CUX2: variants seen among roughly 807,000 people sequenced by gnomAD.
CUX2 encodes the protein cut like homeobox 2, also known as homeobox protein cut-like 2.
In CUX2, 40 loss-of-function variants were observed where a neutral mutation model predicts 144.8. The ratio of observed to expected loss-of-function variants is 0.28; its 90% CI spans 0.21 to 0.36. The LOEUF is 0.36. Among genes scored for constraint, CUX2 ranks in the 10% least tolerant of loss-of-function variants. The pLI, the probability that CUX2 is intolerant of heterozygous loss-of-function variation, is 1.00. For missense variants in CUX2, 1,615 were observed against 1,994.0 expected (o/e 0.81, Z 3.62); for synonymous variants, 827 against 875.6 (o/e 0.94, Z 0.98).
In CUX2 at chr12:111,320,106, GGCACGCCGT is replaced by G; in HGVS notation, c.2099_2107del (p.Ala700_Arg702del). On this transcript the variant is annotated inframe_deletion, in exon 17 of 22. Transcript: ENST00000261726. This position sits in a 1 kb window ranked among gnomAD's most constrained non-coding sequence, Gnocchi z 8.1. Reference sequence around the variant, plus strand: ...ACGCCATCAAGAGCATCCTGGAGCAGGCACGCCGTGAGATGCAGGCGCAACAGCAGGCGC... The same window carrying G: ...ACGCCATCAAGAGCATCCTGGAGCAGGAGATGCAGGCGCAACAGCAGGCGC... The G allele has an allele frequency of 6.4e-7, 1 of 1,558,140 alleles. No individual in the cohort carries two copies. The highest frequency in any genetic ancestry group is 8.7e-7 in the Non-Finnish European group (1 of 1,155,206).
chr12:111,227,183 A>G (rs1050519902), intron 3 of CUX2, among the ~76,000 whole-genome samples: 1 of 152,208 alleles, frequency 6.6e-6, no homozygotes, highest in Non-Finnish European at 1.5e-5. Flanking sequence ...GGTGGTGAAC[A>G]TTACTATTTA....
rs1292484001 is a variant in CUX2, at chr12:111,043,685, C to T, written c.63+9445C>T. Among the ~76,000 whole-genome samples the T allele has an allele frequency of 2.0e-5, 3 of 151,974 alleles. 1 individual carries two copies. Among genetic ancestry groups the T allele is most frequent in the Admixed American group, 1.3e-4 (2 of 15,286 alleles). ...AGAATTAGCCAGGCGCGGTGGCTCA[C>T]GCCTGTAATCCCAGCACTCCGGGAG... is the stretch of plus-strand genomic sequence containing the variant. On this transcript the variant is annotated intron_variant, in intron 1 of 21. Transcript: ENST00000261726.
Position 111,174,898 on chromosome 12 carries a change from A to G in CUX2, c.64-39302A>G, listed in dbSNP as rs1002627107. On this transcript the variant is annotated intron_variant, in intron 1 of 21. Transcript: ENST00000261726. ...AAGAAGTCAAAAATGGCCAAATAGCAGCAGTTTCCTGTGGTTCAACTGAAA... is the reference window on the plus strand; with the variant it reads ...AAGAAGTCAAAAATGGCCAAATAGCGGCAGTTTCCTGTGGTTCAACTGAAA... 3.9e-5 allele frequency among the ~76,000 whole-genome samples: 6 copies of G among 152,382 alleles called. No individual in the cohort carries two copies. In the South Asian group the frequency reaches 1.2e-3, roughly 32 times the overall value.
rs556059119 is a variant in CUX2, at chr12:111,320,547, C to T, written c.2538C>T (p.Pro846=). Residue 846 remains proline, a synonymous_variant, in exon 17 of 22, where the codon CCC becomes CCT. Coordinates refer to ENST00000261726, the MANE Select transcript of CUX2 (RefSeq NM_015267.4). The surrounding 1 kb of genome is among the most constrained non-coding windows in gnomAD (Gnocchi z 8.1). ...DEAAAGAEDE[P]PRTGELKAEG... ...CGGCGGCAGGGGCGGAGGACGAACC[C>T]CCCAGGACGGGCGAGCTCAAGGCTG... is the stretch of plus-strand genomic sequence containing the variant. The T allele has an allele frequency of 1.8e-4, 277 of 1,544,000 alleles. No homozygotes were observed. In the African/African-American group the frequency reaches 3.5e-3, roughly 20 times the overall value.
intron 18 of CUX2, among the ~76,000 whole-genome samples, chr12:111,330,576 G>A (rs1592976753): frequency 6.6e-6 from 1 of 150,694 alleles, no homozygotes; most frequent in Admixed American, 6.6e-5. Flanking sequence ...ACCCATGCCT[G>A]TAATCCCAAC....
chr12:111,295,510 T>C lies in CUX2; in HGVS notation c.637+101T>C, dbSNP rs535231813. On this transcript the variant is annotated intron_variant, in intron 7 of 21. Transcript: ENST00000261726. This position sits in a 1 kb window ranked among gnomAD's most constrained non-coding sequence, Gnocchi z 5.0. The stretch of plus-strand genomic sequence containing the variant: ...TGGGGTCTGCCACATCCAGGTGTTT[T>C]AGAATCAAGAGGGCAAAATGGGAGT... 1.8e-5 allele frequency: 19 copies of C among 1,041,374 alleles called. No individual in the cohort carries two copies. In the African/African-American group the frequency reaches 2.8e-4, roughly 15 times the overall value. 64.5% of individuals were successfully genotyped at this position (1,041,374 alleles called of 1,614,324 possible).
chr12:111,310,560 C>T lies in CUX2; in HGVS notation c.1778C>T (p.Ala593Val). 6.2e-7 allele frequency: 1 copy of T among 1,613,960 alleles called. No homozygotes were observed. The highest frequency in any genetic ancestry group is 8.5e-7 in the Non-Finnish European group (1 of 1,179,998). The part of the protein sequence containing the change: ...LSQGSVSEIL[A>V]RPKPWRKLTV... The stretch of plus-strand genomic sequence containing the variant: ...CAGGGCTCGGTCAGCGAGATCCTAG[C>T]CCGGCCCAAGCCCTGGCGCAAGCTC... The change falls in exon 15 of 22, where the codon GCC becomes GTC. Residue 593 changes from alanine (A) to valine (V), a missense_variant. Transcript: ENST00000261726. This position sits in a 1 kb window ranked among gnomAD's most constrained non-coding sequence, Gnocchi z 7.9.
intron 1 of CUX2, among the ~76,000 whole-genome samples, chr12:111,172,636 C>T (rs1270881876): frequency 3.9e-5 from 6 of 152,306 alleles, no homozygotes; most frequent in East Asian, 1.9e-4. Context: ...GTGGAGGCTC[C>T]GAACCTCGAG....
intron 1 of CUX2, among the ~76,000 whole-genome samples, chr12:111,065,439 A>G (rs1231485895): frequency 1.3e-5 from 2 of 152,146 alleles, no homozygotes. Flanking sequence ...GAGTTCAAGC[A>G]ATTCTCCTGT....
chr12:111,347,243 G>T lies in CUX2; in HGVS notation c.3660-281G>T, dbSNP rs116051304. 3.7e-3 allele frequency among the ~76,000 whole-genome samples: 556 copies of T among 152,292 alleles called. 6 individuals carry two copies. The highest frequency in any genetic ancestry group is 0.013 in the African/African-American group (523 of 41,560). On this transcript the variant is annotated intron_variant, in intron 21 of 21. Transcript: ENST00000261726. ...TCTAGATCATGAGCTTTGGGATTCAGTAGTCGTGTGTTCAAGTCTCGGTTC... is the reference window on the plus strand; with the variant it reads ...TCTAGATCATGAGCTTTGGGATTCATTAGTCGTGTGTTCAAGTCTCGGTTC...
At chr12:111,236,317 T>C (rs73197980) in intron 3 of CUX2, among the ~76,000 whole-genome samples, 9,969 of 152,208 alleles carry the variant, frequency 0.065, 346 homozygotes, top group South Asian at 0.11. Flanking sequence ...AGCAGCCAGA[T>C]CTCCTGGGTC....
At position 111,220,526 on chromosome 12, in the gene CUX2, T is replaced by C. The variant is rs75220809; in HGVS notation, c.222+2589T>C. ...TCAGGCCTGGTCAAAACCTCAACTC[T>C]GCTCCTAAACCAGCTGTGTGGCCTT... On this transcript the variant is annotated intron_variant, in intron 3 of 21. Coordinates refer to ENST00000261726, the MANE Select transcript of CUX2 (RefSeq NM_015267.4). Among the ~76,000 whole-genome samples, 956 of 152,168 alleles carry C rather than the reference T, an allele frequency of 6.3e-3. 10 individuals carry two copies. The highest frequency in any genetic ancestry group is 0.021 in the African/African-American group (856 of 41,506).
chr12:111,254,811 C>T (rs893588280), intron 3 of CUX2, among the ~76,000 whole-genome samples: 3 of 152,192 alleles, frequency 2.0e-5, no homozygotes, highest in African/African-American at 4.8e-5. Context: ...ATGACAATGA[C>T]AGGTGGCCAA....
intron 1 of CUX2, among the ~76,000 whole-genome samples, chr12:111,074,041 TA>T (rs138402296): frequency 0.034 from 5,080 of 147,400 alleles, 119 homozygotes; most frequent in Non-Finnish European, 0.037. Context: ...ATACTTATAC[TA>T]AAAAAAAAAA....
intron 3 of CUX2, among the ~76,000 whole-genome samples, chr12:111,223,280 G>C (rs1881947902): frequency 6.6e-6 from 1 of 152,206 alleles, no homozygotes; most frequent in Non-Finnish European, 1.5e-5. Context: ...AAGTCCCTGT[G>C]ATTCTGAAAT....
intron 1 of CUX2, among the ~76,000 whole-genome samples, chr12:111,065,840 A>G (rs1870999648): frequency 6.6e-6 from 1 of 152,236 alleles, no homozygotes; most frequent in Non-Finnish European, 1.5e-5. Context: ...CTCCTGAGTC[A>G]GGAATCCTGG....
chr12:111,288,053 C>T (rs989946405), intron 4 of CUX2, among the ~76,000 whole-genome samples: 8 of 152,118 alleles, frequency 5.3e-5, no homozygotes, highest in Admixed American at 2.6e-4. Flanking sequence ...CAGTGGGTAC[C>T]GTGAAGGAAA....
At chr12:111,086,245 A>G (rs550663499) in intron 1 of CUX2, among the ~76,000 whole-genome samples, 1 of 152,194 alleles carries the variant, frequency 6.6e-6, no homozygotes, top group Non-Finnish European at 1.5e-5. Flanking sequence ...ATCACAGAGC[A>G]ATGGATGTGA....
intron 1 of CUX2, among the ~76,000 whole-genome samples, chr12:111,102,408 C>G (rs1225456425): frequency 1.3e-5 from 2 of 152,166 alleles, no homozygotes; most frequent in Non-Finnish European, 2.9e-5. Flanking sequence ...TGTCCAAAGC[C>G]GACTGACATC....
Sources: allele counts gnomAD v4.1 joint callset (sites outside exome capture counted in the v4.1 genomes callset), GRCh38; gene constraint gnomAD v4.1.1; non-coding constraint Gnocchi (gnomAD v3.1); transcripts MANE v1.5; gene names NCBI Gene and HGNC (gene_info 2026-07-23, HGNC 2026-07-21).